The following FREM1 variants were observed in gnomAD, a reference collection of about 807,000 sequenced individuals.
The protein encoded by FREM1 is FRAS1-related extracellular matrix protein 1.
FREM1 carries 220 observed loss-of-function variants against 210.1 expected under a neutral mutation model. That is an observed-to-expected ratio of 1.05 (90% CI 0.94 to 1.17). The LOEUF is 1.17. Among genes scored for constraint, FREM1 ranks in the 50% most tolerant of loss-of-function variants. The pLI is 0.00. For missense variants in FREM1, 3,454 were observed against 2,675.5 expected (o/e 1.29, Z -6.42); for synonymous variants, 1,189 against 980.2 (o/e 1.21, Z -3.98).
chr9:14,880,286 G>A (rs1453175084), intron 1 of FREM1, among the ~76,000 whole-genome samples: 1 of 152,096 alleles, frequency 6.6e-6, no homozygotes, highest in Non-Finnish European at 1.5e-5. Context: ...TTAAAAAAAG[G>A]AAAAGAAGAG....
intron 27 of FREM1, among the ~76,000 whole-genome samples, chr9:14,761,561 T>C (rs894614603): frequency 6.6e-6 from 1 of 152,226 alleles, no homozygotes; most frequent in African/African-American, 2.4e-5. Flanking sequence ...TCCCTCTTTT[T>C]CACAATTTGC....
intron 20 of FREM1, among the ~76,000 whole-genome samples, chr9:14,798,332 C>T (rs1211317335): frequency 1.3e-5 from 2 of 152,108 alleles, no homozygotes; most frequent in Non-Finnish European, 2.9e-5. Flanking sequence ...GCACAGGAGC[C>T]AGTACAGTGG....
At chr9:14,778,053 A>C (rs1249974518) in intron 24 of FREM1, among the ~76,000 whole-genome samples, 8 of 152,192 alleles carry the variant, frequency 5.3e-5, no homozygotes, top group Non-Finnish European at 2.9e-5. Flanking sequence ...ACAACAAATA[A>C]AGTAAATTTT....
intron 36 of FREM1, among the ~76,000 whole-genome samples, chr9:14,738,700 T>C (rs897952159): frequency 1.3e-5 from 2 of 152,112 alleles, no homozygotes; most frequent in African/African-American, 2.4e-5. Context: ...AATTCTGTTT[T>C]TAAAGTGGTT....
At chr9:14,792,651 C>T in intron 22 of FREM1, 92 bp downstream of exon 22, 1 of 971,936 alleles carries the variant, frequency 1.0e-6, no homozygotes, top group Admixed American at 3.2e-5. Flanking sequence ...ATATGTCTAT[C>T]AGAGAATAAA....
chr9:14,775,980 A>T lies in FREM1; in HGVS notation c.4666T>A (p.Tyr1556Asn). Residue 1556 changes from tyrosine to asparagine, a missense_variant, in exon 25 of 37, where the codon TAC (tyrosine) becomes AAC (asparagine). Tyr to Asn is a moderately radical substitution (Grantham distance 143). Transcript: ENST00000380880. ...TGAAGTAGCCCTGTCCCCCACAGGT[A>T]GAGCTGGCCATGCTGGGGGAGCTGA... ...LVQLPQHGQL[Y>N]LWGTGLLQHN... 6.2e-7 allele frequency: 1 copy of T among 1,613,982 alleles called. No homozygotes were observed. The highest frequency in any genetic ancestry group is 8.5e-7 in the Non-Finnish European group (1 of 1,179,832).
intron 16 of FREM1, among the ~76,000 whole-genome samples, chr9:14,808,780 C>G (rs1164715832): frequency 6.6e-6 from 1 of 152,136 alleles, no homozygotes; most frequent in Admixed American, 6.5e-5. Context: ...TTCAAAATGT[C>G]CCCAGTTTAG....
intron 5 of FREM1, among the ~76,000 whole-genome samples, chr9:14,855,350 G>A (rs547897190): frequency 6.6e-6 from 1 of 152,050 alleles, no homozygotes; most frequent in Non-Finnish European, 1.5e-5. Context: ...GGAAAAAACT[G>A]TTCCTTGTAT....
chr9:14,862,417 G>T lies in FREM1; in HGVS notation c.329+1392C>A, dbSNP rs527413048. ...AAACCAAATAAAAAACCCTATAAAG[G>T]CCTACTCCACATACATCAGTTCTCA... On this transcript the variant is annotated intron_variant, in intron 3 of 36. Coordinates refer to ENST00000380880, the MANE Select transcript of FREM1 (RefSeq NM_001379081.2). Among the ~76,000 whole-genome samples the T allele has an allele frequency of 2.2e-4, 34 of 152,102 alleles. No homozygotes were observed. In the South Asian group the frequency reaches 7.1e-3, roughly 32 times the overall value.
At chr9:14,853,617 C>T (rs1051717167) in intron 5 of FREM1, among the ~76,000 whole-genome samples, 15 of 152,108 alleles carry the variant, frequency 9.9e-5, no homozygotes, top group Admixed American at 2.6e-4. Flanking sequence ...TTCCCCAAAA[C>T]CACCCCTGCC....
At chr9:14,828,656 G>A (rs1359756780) in intron 10 of FREM1, among the ~76,000 whole-genome samples, 1 of 148,258 alleles carries the variant, frequency 6.7e-6, no homozygotes, top group East Asian at 2.0e-4. Flanking sequence ...GGGAGGTGCC[G>A]GGGTAGAATG....
intron 16 of FREM1, among the ~76,000 whole-genome samples, chr9:14,812,529 G>A (rs1487610411): frequency 2.0e-5 from 3 of 152,138 alleles, no homozygotes; most frequent in Non-Finnish European, 4.4e-5. Flanking sequence ...GACCAAAAAC[G>A]CTAAGGAGAA....
rs200778244 is a variant in FREM1 at position 14,746,470 on chromosome 9, T to G, written c.6139-2A>C. ...TGGACAGGATTTGTCTTCCACATCCTGAAAAACAGTTGTCTGTGTTCATAT... is the reference window on the plus strand; with the variant it reads ...TGGACAGGATTTGTCTTCCACATCCGGAAAAACAGTTGTCTGTGTTCATAT... On this transcript the variant is annotated splice_acceptor_variant, in intron 34 of 36. Transcript: ENST00000380880. LOFTEE classifies it high-confidence loss of function. 8.7e-6 allele frequency: 14 copies of G among 1,607,432 alleles called. No homozygotes were observed. In the Admixed American group the frequency reaches 2.3e-4, roughly 27 times the overall value.
intron 15 of FREM1, among the ~76,000 whole-genome samples, chr9:14,813,751 G>C (rs1439615191): frequency 1.4e-5 from 2 of 145,044 alleles, no homozygotes; most frequent in African/African-American, 5.2e-5. Flanking sequence ...ATCTGGAAAA[G>C]CATATCTTCT....
chr9:14,741,184 T>C (rs898084211), intron 35 of FREM1, among the ~76,000 whole-genome samples: 1 of 152,150 alleles, frequency 6.6e-6, no homozygotes, highest in Non-Finnish European at 1.5e-5. Context: ...CTGGTTAATA[T>C]CCATTGATAT....
intron 1 of FREM1, among the ~76,000 whole-genome samples, chr9:14,877,055 C>G (rs1833891028): frequency 2.0e-5 from 3 of 152,170 alleles, no homozygotes; most frequent in African/African-American, 7.2e-5. Context: ...TCACTCTATC[C>G]CACTTTGTCT....
chr9:14,794,085 G>A (rs368371655), intron 21 of FREM1, among the ~76,000 whole-genome samples: 2 of 152,194 alleles, frequency 1.3e-5, no homozygotes, highest in South Asian at 2.1e-4. Context: ...TGAAATGTTT[G>A]CAATTCAGTG....
chr9:14,753,453 CA>C (rs1318306334), intron 29 of FREM1, among the ~76,000 whole-genome samples: 2 of 152,202 alleles, frequency 1.3e-5, no homozygotes, highest in African/African-American at 4.8e-5. Context: ...TATATCCACT[CA>C]AGACTAGTCA....
chr9:14,842,269 TG>T, intron 9 of FREM1, 46 bp downstream of exon 9: 1 of 1,226,298 alleles, frequency 8.2e-7, no homozygotes, highest in Non-Finnish European at 1.1e-6. Flanking sequence ...AGGTTCTCTA[TG>T]GAAGAGTGAA....
Sources: gnomAD v4.1 joint callset for allele counts (sites outside exome capture counted in the v4.1 genomes callset) on GRCh38, gnomAD v4.1.1 for gene constraint, MANE v1.5 for transcripts, NCBI Gene and HGNC (gene_info 2026-07-23, HGNC 2026-07-21) for gene names.